Variants in RAD51B observed in about 807,000 individuals in gnomAD.
The protein encoded by RAD51B is RAD51 paralog B, also known as DNA repair protein RAD51 homolog 2.
Under a neutral mutation model 42.2 loss-of-function variants are expected in RAD51B, and 38 were observed. That is an observed-to-expected ratio of 0.90 (90% CI 0.70 to 1.18). The LOEUF is 1.18. RAD51B is among the 50% of genes most tolerant of loss of function. The pLI, the probability that RAD51B is intolerant of heterozygous loss-of-function variation, is 0.00. For missense variants in RAD51B, 373 were observed against 400.7 expected, an observed-to-expected ratio of 0.93 and a Z score of 0.59; for synonymous variants, 154 against 145.2, an observed-to-expected ratio of 1.06 and a Z score of -0.43.
intron 7 of RAD51B, among the ~76,000 whole-genome samples, chr14:68,246,282 A>G (rs2080497428): frequency 6.6e-6 from 1 of 152,004 alleles, no homozygotes; most frequent in Non-Finnish European, 1.5e-5. Flanking sequence ...TGTGGCCTCC[A>G]GCAGATTATT....
chr14:68,650,470 T>C (rs1485341855), intron 10 of RAD51B, among the ~76,000 whole-genome samples: 3 of 152,168 alleles, frequency 2.0e-5, no homozygotes, highest in African/African-American at 7.2e-5. Flanking sequence ...AAAACTCAGT[T>C]TCCTCAAATG....
At chr14:68,353,870 C>G (rs1373226577) in intron 8 of RAD51B, among the ~76,000 whole-genome samples, 1 of 152,208 alleles carries the variant, frequency 6.6e-6, no homozygotes, top group South Asian at 2.1e-4. Flanking sequence ...TAGAAGTATT[C>G]TGAGCAGTTC....
intron 7 of RAD51B, among the ~76,000 whole-genome samples, chr14:68,143,020 T>TC (rs1555363157): frequency 1.1e-3 from 132 of 121,046 alleles, no homozygotes; most frequent in African/African-American, 4.2e-3. Context: ...GGCGAGGGGG[T>TC]GGGGGGGGAG....
chr14:68,148,552 C>CT (rs906889574), intron 7 of RAD51B, among the ~76,000 whole-genome samples: 10 of 152,332 alleles, frequency 6.6e-5, no homozygotes, highest in Admixed American at 3.9e-4. Context: ...TTGACTTACA[C>CT]TTTTTTGATT....
At chr14:68,566,643 C>A (rs1177587194) in intron 10 of RAD51B, among the ~76,000 whole-genome samples, 2 of 152,156 alleles carry the variant, frequency 1.3e-5, no homozygotes, top group Non-Finnish European at 2.9e-5. Flanking sequence ...ATACACCTAC[C>A]AAGCTGGGAG....
Position 68,450,756 on chromosome 14 carries a change from T to A in RAD51B, c.958-17416T>A, listed in dbSNP as rs2085540163. On this transcript the variant is annotated intron_variant, in intron 9 of 10. Transcript: ENST00000471583. The stretch of plus-strand genomic sequence containing the variant: ...ATAATCAGAAAAACATAAAGCCATA[T>A]TCATAGTGTACCAACCGGGAAAGAG... Among the ~76,000 whole-genome samples the A allele has an allele frequency of 4.6e-5, 7 of 152,206 alleles. 1 individual carries two copies. The South Asian group carries it at 1.4e-3, about 32-fold the overall frequency.
exon 11 of RAD51B, chr14:68,595,395 T>A: frequency 9.4e-7 from 1 of 1,066,472 alleles, no homozygotes; most frequent in Non-Finnish European, 1.1e-6. Flanking sequence ...AAATAATGCA[T>A]CCATGAACAA....
intron 8 of RAD51B, among the ~76,000 whole-genome samples, chr14:68,319,679 CAG>C (rs1315664828): frequency 6.6e-6 from 1 of 152,150 alleles, no homozygotes; most frequent in African/African-American, 2.4e-5. Context: ...AGCTTTAACT[CAG>C]AGGATCAGGT....
chr14:68,477,464 C>T (rs987952864), intron 10 of RAD51B, among the ~76,000 whole-genome samples, 184 bp from the exon 11 acceptor site: 2 of 152,190 alleles, frequency 1.3e-5, no homozygotes, highest in Admixed American at 6.5e-5. Flanking sequence ...CTGCGGGACC[C>T]TAACCCACAC....
intron 7 of RAD51B, among the ~76,000 whole-genome samples, chr14:67,909,168 G>A (rs1003417553): frequency 2.6e-5 from 4 of 152,084 alleles, no homozygotes; most frequent in African/African-American, 4.8e-5. Context: ...AGGTAGAGTC[G>A]TGAAGCCATA....
At chr14:68,596,889 G>A (rs1891019320), downstream of RAD51B, among the ~76,000 whole-genome samples, 1 of 152,216 alleles carries the variant, frequency 6.6e-6, no homozygotes, top group South Asian at 2.1e-4. Context: ...GAGTGCAGCT[G>A]TCCTCCTGGC....
chr14:67,947,060 G>A (rs2045420786), intron 7 of RAD51B, among the ~76,000 whole-genome samples: 1 of 152,208 alleles, frequency 6.6e-6, no homozygotes, highest in East Asian at 1.9e-4. Flanking sequence ...GGGTTGTGGT[G>A]AGGATTAGAC....
intron 8 of RAD51B, among the ~76,000 whole-genome samples, chr14:68,373,069 A>G (rs776387743): frequency 5.9e-5 from 9 of 152,264 alleles, no homozygotes; most frequent in African/African-American, 7.2e-5. Context: ...TGGGAGAGAC[A>G]TGCCAAGCTT....
chr14:68,230,282 A>G (rs1181356284), intron 7 of RAD51B, among the ~76,000 whole-genome samples: 1 of 152,238 alleles, frequency 6.6e-6, no homozygotes, highest in Non-Finnish European at 1.5e-5. Flanking sequence ...AGAGTGTGTC[A>G]TAGAATTGAA....
intron 8 of RAD51B, among the ~76,000 whole-genome samples, chr14:68,331,430 T>C (rs1595716886): frequency 6.7e-6 from 1 of 149,430 alleles, no homozygotes; most frequent in South Asian, 2.1e-4. Flanking sequence ...TCTATACTTA[T>C]TTAAAACTTA....
At chr14:68,465,530 A>G (rs1000738669) in intron 9 of RAD51B, among the ~76,000 whole-genome samples, 3 of 152,354 alleles carry the variant, frequency 2.0e-5, no homozygotes, top group South Asian at 4.1e-4. Context: ...CAAAACCTAA[A>G]GAATCAGAAT....
At chr14:68,044,009 C>T (rs2076258984) in intron 7 of RAD51B, among the ~76,000 whole-genome samples, 1 of 152,136 alleles carries the variant, frequency 6.6e-6, no homozygotes, top group African/African-American at 2.4e-5. Flanking sequence ...AAATATGGTA[C>T]CCAACATTAT....
chr14:68,152,050 G>T (rs947782385), intron 7 of RAD51B, among the ~76,000 whole-genome samples: 1 of 151,686 alleles, frequency 6.6e-6, no homozygotes, highest in African/African-American at 2.4e-5. Flanking sequence ...TCTCCATTTG[G>T]TCAGGCTGGT....
Position 67,825,494 on chromosome 14 carries a change from A to G in RAD51B, c.115A>G (p.Met39Val), listed in dbSNP as rs766897041. ...DFLCLSPLEL[M>V]KVTGLSYRGV... ...TTTATGTCTTTCCCCACTGGAGCTTATGAAGGTGACTGGTCTGAGTTATCG... is the reference window on the plus strand; with the variant it reads ...TTTATGTCTTTCCCCACTGGAGCTTGTGAAGGTGACTGGTCTGAGTTATCG... Residue 39 changes from methionine to valine, a missense_variant, in exon 3 of 11, where the codon ATG (methionine) becomes GTG (valine). Transcript: ENST00000471583. The G allele has an allele frequency of 1.9e-6, 3 of 1,613,516 alleles. No homozygotes were observed. Among genetic ancestry groups the G allele is most frequent in the East Asian group, 2.2e-5 (1 of 44,868 alleles).
Sources: allele counts gnomAD v4.1 joint callset (sites outside exome capture counted in the v4.1 genomes callset), GRCh38; gene constraint gnomAD v4.1.1; transcripts MANE v1.5; gene names NCBI Gene and HGNC (gene_info 2026-07-23, HGNC 2026-07-21).